NOVA1: variants seen among roughly 807,000 people sequenced by gnomAD.
NOVA1 encodes the protein RNA-binding protein Nova-1.
A neutral mutation model predicts 38.0 loss-of-function variants in NOVA1; 7 were observed. That is an observed-to-expected ratio of 0.18 (90% CI 0.10 to 0.35). The LOEUF (loss-of-function observed/expected upper bound fraction) is 0.35, where lower values mean the gene tolerates loss of function less well. Ranked by LOEUF, NOVA1 falls within the 10% of genes least tolerant of loss-of-function variation. NOVA1 has a pLI of 1.00. For synonymous variants in NOVA1, 270 were observed against 232.5 expected (o/e 1.16, Z -1.47); for missense variants, 460 against 616.0 (o/e 0.75, Z 2.68).
intron 2 of NOVA1, among the ~76,000 whole-genome samples, chr14:26,557,410 C>T (rs577383270): frequency 1.3e-5 from 2 of 152,186 alleles, no homozygotes; most frequent in South Asian, 4.2e-4. Context: ...TCCTTGTTGC[C>T]CAGGCTTGAG....
At chr14:26,489,765 G>A (rs1417812404) in intron 2 of NOVA1, among the ~76,000 whole-genome samples, 1 of 151,936 alleles carries the variant, frequency 6.6e-6, no homozygotes, top group Non-Finnish European at 1.5e-5. Context: ...GAATTTGCGA[G>A]GCACAGGTTA....
chr14:26,443,809 ATT>A lies in NOVA1; in HGVS notation c.*4148_*4149del. The A allele has an allele frequency of 6.6e-6, 1 of 152,218 alleles. No individual in the cohort carries two copies. The highest frequency in any genetic ancestry group is 2.4e-5 in the African/African-American group (1 of 41,538). 9.4% of individuals were successfully genotyped at this position (152,218 alleles called of 1,614,324 possible). ...CAGTTAAGTAACGTGTGTACATTAA[ATT>A]TATGACTGTATTGCACTCAAAATTA... On this transcript the variant is annotated 3_prime_UTR_variant, in exon 5 of 5. Coordinates refer to ENST00000539517, the MANE Select transcript of NOVA1 (RefSeq NM_002515.3).
chr14:26,515,468 A>C (rs1460488288), intron 2 of NOVA1, among the ~76,000 whole-genome samples: 2 of 152,010 alleles, frequency 1.3e-5, no homozygotes, highest in Non-Finnish European at 2.9e-5. Flanking sequence ...GGCACATAAT[A>C]CATACTATAC....
chr14:26,559,512 C>G (rs774863036), intron 2 of NOVA1, among the ~76,000 whole-genome samples: 5 of 152,010 alleles, frequency 3.3e-5, no homozygotes, highest in African/African-American at 7.2e-5. Context: ...GAATGATATT[C>G]AAGATAGATT....
At chr14:26,559,887 A>T (rs1049339522) in intron 2 of NOVA1, among the ~76,000 whole-genome samples, 2 of 87,586 alleles carry the variant, frequency 2.3e-5, no homozygotes, top group Non-Finnish European at 4.5e-5. Flanking sequence ...TAGCATAAAG[A>T]AAGATAAATA....
intron 2 of NOVA1, chr14:26,594,248 C>A (rs192825485): frequency 5.5e-4 from 83 of 151,970 alleles, no homozygotes; most frequent in Admixed American, 2.0e-3. Flanking sequence ...ATTTGTAAAA[C>A]TAAATGATAG....
At chr14:26,534,086 A>G (rs1889909285) in intron 2 of NOVA1, among the ~76,000 whole-genome samples, 1 of 152,216 alleles carries the variant, frequency 6.6e-6, no homozygotes, top group Non-Finnish European at 1.5e-5. Flanking sequence ...AATAACTAGC[A>G]TAACTCTGAT....
chr14:26,597,712 A>T lies in NOVA1; in HGVS notation c.-276T>A. 1 of 1,105,184 alleles carries T rather than the reference A, an allele frequency of 9.0e-7. No homozygotes were observed. Among genetic ancestry groups the T allele is most frequent in the Non-Finnish European group, 1.1e-6 (1 of 910,094 alleles). 68.5% of individuals were successfully genotyped at this position (1,105,184 alleles called of 1,614,324 possible). A position where few individuals can be genotyped will look rare whatever the true frequency, so the allele number is the denominator to read the frequency against. On this transcript the variant is annotated 5_prime_UTR_variant, in exon 1 of 5. Transcript: ENST00000539517. Reference sequence around the variant, plus strand: ...GGTGTGAGAGACGGAGGGTGAAAGAAGAAGAAGAAAGGAGACAGGGGGAGA... The same window carrying T: ...GGTGTGAGAGACGGAGGGTGAAAGATGAAGAAGAAAGGAGACAGGGGGAGA...
chr14:26,493,507 C>T (rs926643375), intron 2 of NOVA1, among the ~76,000 whole-genome samples: 9 of 152,124 alleles, frequency 5.9e-5, no homozygotes, highest in African/African-American at 2.2e-4. Flanking sequence ...TAGATATTAC[C>T]TGGATGTAAC....
chr14:26,510,590 TTAA>T (rs1436869233), intron 2 of NOVA1, among the ~76,000 whole-genome samples: 2 of 152,064 alleles, frequency 1.3e-5, no homozygotes, highest in African/African-American at 4.8e-5. Context: ...GTGGATGGCA[TTAA>T]AAGACAAATA....
At chr14:26,542,114 T>C (rs1890500358) in intron 2 of NOVA1, among the ~76,000 whole-genome samples, 1 of 151,910 alleles carries the variant, frequency 6.6e-6, no homozygotes, top group South Asian at 2.1e-4. Context: ...AACATATCTA[T>C]TAAAAACTTC....
At chr14:26,475,168 T>C (rs1179317124) in intron 3 of NOVA1, among the ~76,000 whole-genome samples, 2 of 152,090 alleles carry the variant, frequency 1.3e-5, no homozygotes, top group Non-Finnish European at 2.9e-5. Flanking sequence ...ACAAGTTGTT[T>C]ATTTCCTTAA....
At chr14:26,587,174 T>C (rs1336280017) in intron 2 of NOVA1, among the ~76,000 whole-genome samples, 2 of 150,916 alleles carry the variant, frequency 1.3e-5, no homozygotes, top group East Asian at 3.9e-4. Flanking sequence ...ATGAAAGTTT[T>C]AGAAGAGATC....
Position 26,446,766 on chromosome 14 carries a change from C to T in NOVA1, c.*1193G>A, listed in dbSNP as rs1006876086. On this transcript the variant is annotated 3_prime_UTR_variant, in exon 5 of 5. Coordinates refer to ENST00000539517, the MANE Select transcript of NOVA1 (RefSeq NM_002515.3). ...TGAAATGACCTGTCAAAAAGCCTGA[C>T]AAAGGTAGATAACACTACCTCTCAA... 4 of 152,602 alleles carry T rather than the reference C, an allele frequency of 2.6e-5. No homozygotes were observed. The highest frequency in any genetic ancestry group is 4.4e-5 in the Non-Finnish European group (3 of 68,054). 9.5% of individuals were successfully genotyped at this position (152,602 alleles called of 1,614,324 possible).
At chr14:26,596,594 GCA>G in intron 1 of NOVA1, 1 of 1,289,170 alleles carries the variant, frequency 7.8e-7, no homozygotes, top group Non-Finnish European at 1.0e-6. Context: ...TGCATTGGGT[GCA>G]TTGTTAAGAT....
intron 4 of NOVA1, chr14:26,470,148 C>T: frequency 2.7e-6 from 2 of 729,500 alleles, no homozygotes; most frequent in South Asian, 5.0e-5. Context: ...TTTTGGTTTT[C>T]TGAATATTGA....
chr14:26,559,494 AT>A (rs1318602042), intron 2 of NOVA1, among the ~76,000 whole-genome samples: 2 of 152,164 alleles, frequency 1.3e-5, no homozygotes, highest in Non-Finnish European at 2.9e-5. Context: ...ACAAATACAA[AT>A]ATCAATGAAT....
intron 2 of NOVA1, among the ~76,000 whole-genome samples, chr14:26,543,598 C>T (rs549770641): frequency 1.3e-5 from 2 of 151,634 alleles, no homozygotes; most frequent in East Asian, 3.9e-4. Context: ...GGTAGAATAC[C>T]GAAGGAAAAA....
intron 2 of NOVA1, among the ~76,000 whole-genome samples, chr14:26,550,857 C>CATAT (rs149600404): frequency 0.011 from 1,719 of 152,162 alleles, 22 homozygotes; most frequent in Middle Eastern, 0.058. Flanking sequence ...TTTGATTTGG[C>CATAT]ATATACTCAG....
Sources: allele counts gnomAD v4.1 joint callset (sites outside exome capture counted in the v4.1 genomes callset), GRCh38; gene constraint gnomAD v4.1.1; transcripts MANE v1.5; gene names NCBI Gene and HGNC (gene_info 2026-07-23, HGNC 2026-07-21).